PTPRR: variants seen among roughly 807,000 people sequenced by gnomAD.
The protein encoded by PTPRR is protein tyrosine phosphatase receptor type R, also known as receptor-type tyrosine-protein phosphatase R.
PTPRR carries 38 observed loss-of-function variants against 77.2 expected under a neutral mutation model. That is an observed-to-expected ratio of 0.49 (90% CI 0.38 to 0.65). The LOEUF is 0.65. Among genes scored for constraint, PTPRR ranks in the 30% least tolerant of loss-of-function variants. The probability of loss-of-function intolerance (pLI) is 0.00; values close to 1 mark genes in which losing one functional copy is unlikely to be tolerated. For synonymous variants in PTPRR, 299 were observed against 283.1 expected (o/e 1.06, Z -0.57); for missense variants, 744 against 799.2 (o/e 0.93, Z 0.83).
At chr12:70,784,294 G>T (rs1035328585) in intron 2 of PTPRR, among the ~76,000 whole-genome samples, 4 of 152,198 alleles carry the variant, frequency 2.6e-5, no homozygotes, top group African/African-American at 9.6e-5. Flanking sequence ...CTTGGAAGGG[G>T]CAGGGCTCCC....
Position 70,704,155 on chromosome 12 carries a change from C to T in PTPRR, c.1008-2832G>A, listed in dbSNP as rs114436623. ...CCCAAAAATAGTCCAGGGATGTTGG[C>T]TGACATCTGTAATCCCAGCACTTTG... On this transcript the variant is annotated intron_variant, in intron 6 of 13. Coordinates refer to ENST00000283228, the MANE Select transcript of PTPRR (RefSeq NM_002849.4). 9.6e-3 allele frequency among the ~76,000 whole-genome samples: 1,456 copies of T among 152,208 alleles called. 21 individuals carry two copies. The highest frequency in any genetic ancestry group is 0.033 in the African/African-American group (1,369 of 41,536).
At chr12:70,770,567 G>A (rs1890947656) in intron 2 of PTPRR, among the ~76,000 whole-genome samples, 1 of 152,220 alleles carries the variant, frequency 6.6e-6, no homozygotes, top group South Asian at 2.1e-4. Flanking sequence ...TGGTGGGACT[G>A]TAAACTAGTT....
chr12:70,754,609 G>A (rs1337695769), intron 4 of PTPRR: 2 of 1,597,936 alleles, frequency 1.3e-6, no homozygotes, highest in Admixed American at 1.7e-5. Flanking sequence ...AGAGAGTTCT[G>A]TTCTTTTCTG....
At chr12:70,843,074 CATACTT>C (rs1298433662) in intron 2 of PTPRR, among the ~76,000 whole-genome samples, 2 of 152,122 alleles carry the variant, frequency 1.3e-5, no homozygotes, top group Non-Finnish European at 2.9e-5. Context: ...AAAACAAAGA[CATACTT>C]GTACAAAAAA....
At chr12:70,849,263 C>T (rs552294496) in intron 2 of PTPRR, among the ~76,000 whole-genome samples, 87 of 152,074 alleles carry the variant, frequency 5.7e-4, no homozygotes, top group Admixed American at 6.5e-4. Context: ...AATTTTCCAA[C>T]AGGCACAGCT....
intron 1 of PTPRR, among the ~76,000 whole-genome samples, chr12:70,910,489 G>A (rs1475089972): frequency 2.0e-5 from 3 of 152,114 alleles, no homozygotes; most frequent in Non-Finnish European, 4.4e-5. Flanking sequence ...ATACTCATTT[G>A]TTATCTCCTT....
chr12:70,808,577 G>T (rs1284345852), intron 2 of PTPRR, among the ~76,000 whole-genome samples: 1 of 152,074 alleles, frequency 6.6e-6, no homozygotes, highest in Non-Finnish European at 1.5e-5. Flanking sequence ...GGGCAAATAG[G>T]AAAGGACTCA....
At chr12:70,730,178 T>C (rs1418124775) in intron 6 of PTPRR, among the ~76,000 whole-genome samples, 1 of 152,148 alleles carries the variant, frequency 6.6e-6, no homozygotes, top group Admixed American at 6.6e-5. Flanking sequence ...ATAGTGCTGT[T>C]TCACTCTGCC....
intron 5 of PTPRR, among the ~76,000 whole-genome samples, chr12:70,748,675 A>C (rs1333165984): frequency 6.6e-6 from 1 of 152,222 alleles, no homozygotes; most frequent in Non-Finnish European, 1.5e-5. Flanking sequence ...AAATTCGATG[A>C]AGCTTTTCTG....
Position 70,920,680 on chromosome 12 carries a change from G to T in PTPRR, c.-290C>A, listed in dbSNP as rs1893844289. The T allele has an allele frequency of 5.4e-6, 2 of 367,930 alleles. No individual in the cohort carries two copies. The highest frequency in any genetic ancestry group is 1.0e-5 in the Non-Finnish European group (2 of 192,008). 22.8% of individuals were successfully genotyped at this position (367,930 alleles called of 1,614,324 possible). A position where few individuals can be genotyped will look rare whatever the true frequency, so the allele number is the denominator to read the frequency against. ...ACGCCCAGAAGCCAAGGCGGAGACGGCAGGGTGGACTCCGCGCCAGCCCAG... is the reference window on the plus strand; with the variant it reads ...ACGCCCAGAAGCCAAGGCGGAGACGTCAGGGTGGACTCCGCGCCAGCCCAG... On this transcript the variant is annotated 5_prime_UTR_variant, in exon 1 of 14. Transcript: ENST00000283228.
At position 70,638,230 on chromosome 12, in the gene PTPRR, AC is replaced by A. The variant is rs1348382381; in HGVS notation, c.*953del. On this transcript the variant is annotated 3_prime_UTR_variant, in exon 14 of 14. Coordinates refer to ENST00000283228, the MANE Select transcript of PTPRR (RefSeq NM_002849.4). ...ATTGAAAGCTTTCAGAAATGTAAGGACATACATGGAAATGTCCTTATAAGGA... is the reference window on the plus strand; with the variant it reads ...ATTGAAAGCTTTCAGAAATGTAAGGAATACATGGAAATGTCCTTATAAGGA... The A allele has an allele frequency of 6.6e-6, 1 of 152,538 alleles. No individual in the cohort carries two copies. Among genetic ancestry groups the A allele is most frequent in the Non-Finnish European group, 1.5e-5 (1 of 68,022 alleles). The allele number at this position is 152,538 out of a possible 1,614,324, so 9.4% of individuals were successfully genotyped here. A position where few individuals can be genotyped will look rare whatever the true frequency, so the allele number is the denominator to read the frequency against.
At chr12:70,656,571 T>A in intron 13 of PTPRR, 133 bp downstream of exon 13, 1 of 633,494 alleles carries the variant, frequency 1.6e-6, no homozygotes, top group Non-Finnish European at 2.8e-6. Context: ...ATGCATATAC[T>A]TAAGCATTTT....
At chr12:70,769,792 G>A (rs1053582217) in intron 2 of PTPRR, among the ~76,000 whole-genome samples, 2 of 151,926 alleles carry the variant, frequency 1.3e-5, no homozygotes, top group African/African-American at 4.8e-5. Flanking sequence ...AAACAGCATG[G>A]TACTGGTACC....
chr12:70,679,152 T>C (rs932262218), intron 10 of PTPRR, among the ~76,000 whole-genome samples: 4 of 152,244 alleles, frequency 2.6e-5, no homozygotes, highest in African/African-American at 9.6e-5. Context: ...AATTTTTAAG[T>C]GTCCCTTTTA....
chr12:70,870,460 T>G (rs1193125734), intron 2 of PTPRR, among the ~76,000 whole-genome samples: 1 of 152,216 alleles, frequency 6.6e-6, no homozygotes, highest in Non-Finnish European at 1.5e-5. Flanking sequence ...TTTGCTATTA[T>G]CACAAGATTA....
intron 2 of PTPRR, among the ~76,000 whole-genome samples, chr12:70,865,660 A>G (rs1332089060): frequency 6.6e-6 from 1 of 152,188 alleles, no homozygotes; most frequent in Non-Finnish European, 1.5e-5. Flanking sequence ...AAAGTTTTCT[A>G]ATATATATGA....
chr12:70,737,980 A>T (rs1889926529), intron 6 of PTPRR, among the ~76,000 whole-genome samples: 1 of 152,226 alleles, frequency 6.6e-6, no homozygotes, highest in African/African-American at 2.4e-5. Context: ...TAAGCATCGA[A>T]ATGTACCTCT....
chr12:70,793,313 C>T (rs569574829), intron 2 of PTPRR, among the ~76,000 whole-genome samples: 48 of 152,086 alleles, frequency 3.2e-4, no homozygotes, highest in Non-Finnish European at 5.3e-4. Context: ...ATTCTAAATA[C>T]GTGGGATCAG....
At chr12:70,852,837 T>G (rs1321970395) in intron 2 of PTPRR, among the ~76,000 whole-genome samples, 3 of 152,220 alleles carry the variant, frequency 2.0e-5, no homozygotes, top group African/African-American at 4.8e-5. Flanking sequence ...AATTTTCTGA[T>G]ATTGCGTTTA....
Sources: allele counts gnomAD v4.1 joint callset (sites outside exome capture counted in the v4.1 genomes callset), GRCh38; gene constraint gnomAD v4.1.1; transcripts MANE v1.5; gene names NCBI Gene and HGNC (gene_info 2026-07-23, HGNC 2026-07-21).